The following FHIT variants were observed in gnomAD, a reference collection of about 807,000 sequenced individuals.
The protein encoded by FHIT is bis(5'-adenosyl)-triphosphatase.
In FHIT, 19 loss-of-function variants were observed where a neutral mutation model predicts 17.9. That is an observed-to-expected ratio of 1.06 (90% CI 0.74 to 1.56). The LOEUF (loss-of-function observed/expected upper bound fraction) is 1.56. FHIT is among the 40% of genes most tolerant of loss of function. The pLI is 0.00. For missense variants in FHIT, 248 were observed against 189.2 expected (o/e 1.31, Z -1.82); for synonymous variants, 81 against 69.7 (o/e 1.16, Z -0.81).
At chr3:60,603,491 G>A (rs1216825244) in intron 4 of FHIT, among the ~76,000 whole-genome samples, 6 of 151,454 alleles carry the variant, frequency 4.0e-5, no homozygotes, top group Admixed American at 2.0e-4. Context: ...CTCTTCAACT[G>A]TTCAGAGGGT....
chr3:61,212,873 T>A (rs1357717219), intron 1 of FHIT, among the ~76,000 whole-genome samples: 4 of 152,138 alleles, frequency 2.6e-5, no homozygotes. Flanking sequence ...AGGAAAGAAT[T>A]TTCAACCCAG....
intron 3 of FHIT, among the ~76,000 whole-genome samples, chr3:60,991,384 G>C (rs1050522592): frequency 3.3e-5 from 5 of 152,170 alleles, no homozygotes; most frequent in Admixed American, 1.3e-4. Flanking sequence ...TGAAGACTTA[G>C]TATTTTATAT....
intron 5 of FHIT, among the ~76,000 whole-genome samples, chr3:60,136,228 G>C (rs1277924823): frequency 6.6e-6 from 1 of 152,130 alleles, no homozygotes; most frequent in Non-Finnish European, 1.5e-5. Context: ...AGAAGAGGGA[G>C]GCATCTGGAG....
chr3:60,855,002 G>A (rs1703324401), intron 3 of FHIT, among the ~76,000 whole-genome samples: 1 of 152,104 alleles, frequency 6.6e-6, no homozygotes, highest in Non-Finnish European at 1.5e-5. Context: ...TCTCTTTTGT[G>A]CCAGGGAACT....
chr3:61,154,636 T>G (rs912609546), intron 2 of FHIT, among the ~76,000 whole-genome samples: 1 of 152,188 alleles, frequency 6.6e-6, no homozygotes, highest in African/African-American at 2.4e-5. Flanking sequence ...CTTGGGGACA[T>G]GGGATTTCTG....
At chr3:60,996,520 T>A (rs1478860198) in intron 3 of FHIT, among the ~76,000 whole-genome samples, 3 of 152,224 alleles carry the variant, frequency 2.0e-5, no homozygotes, top group Non-Finnish European at 2.9e-5. Context: ...ATTGCTTCTA[T>A]TTGATTGTTT....
chr3:60,212,471 T>G (rs1262685779), intron 5 of FHIT, among the ~76,000 whole-genome samples: 1 of 152,182 alleles, frequency 6.6e-6, no homozygotes, highest in African/African-American at 2.4e-5. Flanking sequence ...GAGCTTCAGA[T>G]AGAACACACC....
intron 5 of FHIT, among the ~76,000 whole-genome samples, chr3:60,116,384 C>T (rs1332505233): frequency 6.6e-6 from 1 of 152,280 alleles, no homozygotes; most frequent in Admixed American, 6.5e-5. Context: ...CGATAGCGGG[C>T]ATCACCATTT....
intron 4 of FHIT, among the ~76,000 whole-genome samples, chr3:60,811,957 TAA>T (rs1701582889): frequency 6.6e-6 from 1 of 152,168 alleles, no homozygotes; most frequent in Non-Finnish European, 1.5e-5. Flanking sequence ...GTAGTTCTAC[TAA>T]TTACAAGTAA....
chr3:60,552,192 C>T (rs181941226), intron 4 of FHIT, among the ~76,000 whole-genome samples: 76 of 152,256 alleles, frequency 5.0e-4, no homozygotes, highest in Non-Finnish European at 9.0e-4. Flanking sequence ...CTGAATAATA[C>T]CCCATTGTAT....
intron 4 of FHIT, among the ~76,000 whole-genome samples, chr3:60,562,305 T>C (rs767203912): frequency 4.6e-5 from 7 of 152,184 alleles, no homozygotes; most frequent in Non-Finnish European, 1.0e-4. Flanking sequence ...AAAGACTAAA[T>C]GAGTTAGTAA....
At chr3:60,757,309 G>C (rs1437684130) in intron 4 of FHIT, among the ~76,000 whole-genome samples, 1 of 152,210 alleles carries the variant, frequency 6.6e-6, no homozygotes, top group African/African-American at 2.4e-5. Flanking sequence ...CTGAAGATCA[G>C]AGAGTGAACA....
intron 7 of FHIT, among the ~76,000 whole-genome samples, chr3:59,949,802 C>T (rs1235658609): frequency 6.6e-6 from 1 of 152,204 alleles, no homozygotes; most frequent in Non-Finnish European, 1.5e-5. Flanking sequence ...TTGTTTAGCA[C>T]CTCTAACCTA....
chr3:61,238,947 C>G (rs2040298543), intron 1 of FHIT, among the ~76,000 whole-genome samples: 2 of 152,224 alleles, frequency 1.3e-5, no homozygotes, highest in South Asian at 2.1e-4. Flanking sequence ...CGCAGATGCT[C>G]TGATCAGAAC....
At chr3:60,127,926 C>T (rs1041626798) in intron 5 of FHIT, among the ~76,000 whole-genome samples, 1 of 152,154 alleles carries the variant, frequency 6.6e-6, no homozygotes, top group African/African-American at 2.4e-5. Context: ...CCATCTCATG[C>T]AGCCTGCAAG....
At chr3:60,522,717 T>C (rs962775057) in intron 5 of FHIT, among the ~76,000 whole-genome samples, 3 of 152,202 alleles carry the variant, frequency 2.0e-5, no homozygotes, top group Non-Finnish European at 4.4e-5. Flanking sequence ...TGAGGAAGAA[T>C]TCACAGAAAA....
At chr3:61,228,179 T>TAAA (rs529696097) in intron 1 of FHIT, among the ~76,000 whole-genome samples, 26 of 147,516 alleles carry the variant, frequency 1.8e-4, no homozygotes, top group African/African-American at 5.2e-4. Flanking sequence ...AAAAATAATT[T>TAAA]AAAAAAAAAA....
chr3:59,982,590 CT>C (rs1708702305), intron 7 of FHIT, among the ~76,000 whole-genome samples: 1 of 152,152 alleles, frequency 6.6e-6, no homozygotes, highest in South Asian at 2.1e-4. Context: ...AATTTTTGCC[CT>C]CTTTAATCTG....
chr3:60,851,605 A>C (rs1311477236), intron 3 of FHIT, among the ~76,000 whole-genome samples: 1 of 152,168 alleles, frequency 6.6e-6, no homozygotes, highest in Admixed American at 6.6e-5. Context: ...TTCAATGCAC[A>C]CAAGGTGCAA....
Sources: allele counts gnomAD v4.1 joint callset (sites outside exome capture counted in the v4.1 genomes callset), GRCh38; gene constraint gnomAD v4.1.1; transcripts MANE v1.5; gene names NCBI Gene and HGNC (gene_info 2026-07-23, HGNC 2026-07-21).